Variants in MS4A18 observed in about 807,000 individuals in gnomAD.
MS4A18 encodes membrane-spanning 4-domains subfamily A member 18.
A neutral mutation model predicts 13.1 loss-of-function variants in MS4A18; 27 were observed. That is an observed-to-expected ratio of 2.06 (90% CI 1.52 to 2.84). MS4A18 has a LOEUF of 2.84. Among genes scored for constraint, MS4A18 ranks in the 30% most tolerant of loss-of-function variants. MS4A18 has a pLI of 0.00. For synonymous variants in MS4A18, 126 were observed against 76.5 expected (o/e 1.65, Z -3.38); for missense variants, 307 against 196.4 (o/e 1.56, Z -3.37).
chr11:60,736,703 G>T (rs1853344823), intron 2 of MS4A18, among the ~76,000 whole-genome samples: 1 of 152,160 alleles, frequency 6.6e-6, no homozygotes, highest in African/African-American at 2.4e-5. Context: ...ATAATAATGA[G>T]ATTTACAGCA....
chr11:60,726,711 G>T (rs1358714546), upstream of MS4A18, among the ~76,000 whole-genome samples: 1 of 116,218 alleles, frequency 8.6e-6, no homozygotes, highest in Non-Finnish European at 1.9e-5. Context: ...TAAGATTGGG[G>T]TAACACTTTT....
intron 4 of MS4A18, among the ~76,000 whole-genome samples, chr11:60,739,742 GA>G (rs369612049): frequency 1.3e-3 from 199 of 152,332 alleles, no homozygotes; most frequent in African/African-American, 4.7e-3. Context: ...GTGGCCAAAG[GA>G]AGCCCTCAAG....
chr11:60,735,496 G>T lies in MS4A18; in HGVS notation c.592-1482G>T, dbSNP rs1327644893. 8.8e-5 allele frequency among the ~76,000 whole-genome samples: 12 copies of T among 136,548 alleles called. No homozygotes were observed. In the East Asian group the frequency reaches 2.5e-3, roughly 28 times the overall value. The allele number at this position is 136,548 out of a possible 152,430, so 89.6% of individuals were successfully genotyped here. On this transcript the variant is annotated intron_variant, in intron 2 of 5. Transcript: ENST00000529108. ...CTACAGGCGCCTGCCACCGTGCCCG[G>T]CTAATTTTTTTTTTTTTTTTTTTTT...
upstream of MS4A18, among the ~76,000 whole-genome samples, chr11:60,724,788 G>A (rs1398364929): frequency 6.6e-6 from 1 of 152,224 alleles, no homozygotes; most frequent in East Asian, 1.9e-4. Flanking sequence ...CTTCCCAGGA[G>A]CACAAGGTAA....
At chr11:60,738,033 G>T (rs775756584) in intron 3 of MS4A18, among the ~76,000 whole-genome samples, 1 of 152,168 alleles carries the variant, frequency 6.6e-6, no homozygotes, top group Admixed American at 6.5e-5. Context: ...CTGCTGACTC[G>T]TGGGGGTCTC....
chr11:60,729,858 A>C, intron 1 of MS4A18, 72 bp downstream of exon 2: 1 of 638,220 alleles, frequency 1.6e-6, no homozygotes, highest in Non-Finnish European at 2.8e-6. Context: ...TGGGATGAGG[A>C]AGGGAATGTG....
intron 4 of MS4A18, among the ~76,000 whole-genome samples, chr11:60,739,330 G>T (rs1853384238): frequency 6.6e-6 from 1 of 152,044 alleles, no homozygotes. Context: ...TGCCCCTAGG[G>T]GTCTCTCGAG....
Position 60,743,577 on chromosome 11 carries a change from A to G in MS4A18, c.859-73A>G. 4.5e-6 allele frequency: 3 copies of G among 662,126 alleles called. No homozygotes were observed. In the South Asian group the frequency reaches 5.1e-5, roughly 11 times the overall value. 41.0% of individuals were successfully genotyped at this position (662,126 alleles called of 1,614,324 possible). ...TACCTAAGGGTATGGAAACAGAAGG[A>G]AGAAAAAAATTATGGCCATTGTTGT... is the stretch of plus-strand genomic sequence containing the variant. On this transcript the variant is annotated intron_variant, in intron 5 of 5. Coordinates refer to ENST00000529108, the Ensembl canonical transcript of MS4A18.
chr11:60,738,865 A>G (rs1225605755), intron 3 of MS4A18, 37 bp from the exon 5 acceptor site: 1 of 701,452 alleles, frequency 1.4e-6, no homozygotes, highest in African/African-American at 1.7e-5. Flanking sequence ...GACTCTTCAG[A>G]CTCGGCTCCC....
At chr11:60,744,606 A>T (rs1348854223), downstream of MS4A18, among the ~76,000 whole-genome samples, 1 of 152,234 alleles carries the variant, frequency 6.6e-6, no homozygotes, top group East Asian at 1.9e-4. Flanking sequence ...AAATATTTGC[A>T]AATCATATAT....
At chr11:60,741,526 A>T (rs725279) in intron 5 of MS4A18, among the ~76,000 whole-genome samples, 22,065 of 152,028 alleles carry the variant, frequency 0.15, 1,762 homozygotes, top group East Asian at 0.25. Context: ...GTAGCAAGAC[A>T]CAGCAAGCTC....
rs751418835 is a variant in MS4A18, at chr11:60,736,951, CTTTTTTTT to C, written c.592-18_592-11del. 5 of 633,912 alleles carry C rather than the reference CTTTTTTTT, an allele frequency of 7.9e-6. No individual in the cohort carries two copies. The African/African-American group carries it at 7.9e-5, about 10-fold the overall frequency. 39.3% of individuals were successfully genotyped at this position (633,912 alleles called of 1,614,324 possible). On this transcript the variant is annotated intron_variant, in intron 2 of 5. Transcript: ENST00000529108. ...TTAACATGCTGCACAATTGGTCATT[CTTTTTTTT>C]TTTTTTTTGTCTGCGTAGTATATTG...
upstream of MS4A18, among the ~76,000 whole-genome samples, chr11:60,725,614 A>G (rs1347426289): frequency 6.6e-6 from 1 of 152,146 alleles, no homozygotes; most frequent in African/African-American, 2.4e-5. Flanking sequence ...TTAAAGAAGG[A>G]GTCCTCTGAA....
chr11:60,727,936 C>T (rs1853189098), upstream of MS4A18, among the ~76,000 whole-genome samples: 1 of 152,200 alleles, frequency 6.6e-6, no homozygotes, highest in South Asian at 2.1e-4. Context: ...CAGGTCTCCC[C>T]CCAAGTGATT....
At chr11:60,741,782 T>C in intron 5 of MS4A18, among the ~76,000 whole-genome samples, 1 of 152,192 alleles carries the variant, frequency 6.6e-6, no homozygotes, top group Non-Finnish European at 1.5e-5. Flanking sequence ...CAAAGTATGC[T>C]CAACCCATAT....
upstream of MS4A18, among the ~76,000 whole-genome samples, chr11:60,725,883 T>G (rs1853152688): frequency 6.6e-6 from 1 of 152,088 alleles, no homozygotes; most frequent in Non-Finnish European, 1.5e-5. Flanking sequence ...TTATGAGGCA[T>G]CAACATCCAA....
At chr11:60,730,533 A>C (rs1853238394) in intron 1 of MS4A18, among the ~76,000 whole-genome samples, 2 of 152,366 alleles carry the variant, frequency 1.3e-5, no homozygotes, top group Admixed American at 6.5e-5. Flanking sequence ...GGCAGCTGTC[A>C]TAATTACAAT....
chr11:60,734,745 T>C (rs1853309597), intron 2 of MS4A18, among the ~76,000 whole-genome samples: 2 of 151,702 alleles, frequency 1.3e-5, no homozygotes, highest in Admixed American at 1.3e-4. Flanking sequence ...TTGGGGTGGC[T>C]GGTTGCACAA....
At chr11:60,743,934 C>A (rs1473883071) in exon 6 of MS4A18, 4 of 702,996 alleles carry the variant, frequency 5.7e-6, no homozygotes, top group Non-Finnish European at 1.0e-5. Context: ...AAGCTACCAC[C>A]AGTTGTGTCA....
Sources: gnomAD v4.1 joint callset for allele counts (sites outside exome capture counted in the v4.1 genomes callset) on GRCh38, gnomAD v4.1.1 for gene constraint, MANE v1.5 for transcripts, NCBI Gene and HGNC (gene_info 2026-07-23, HGNC 2026-07-21) for gene names.